The following ALX4 variants were observed in gnomAD, a reference collection of about 807,000 sequenced individuals.
The protein encoded by ALX4 is ALX homeobox 4, also known as homeobox protein aristaless-like 4.
A neutral mutation model predicts 40.6 loss-of-function variants in ALX4; 22 were observed. The ratio of observed to expected loss-of-function variants is 0.54; its 90% CI spans 0.39 to 0.77. The LOEUF is 0.77. ALX4 is among the 30% of genes least tolerant of loss of function. The pLI, the probability that ALX4 is intolerant of heterozygous loss-of-function variation, is 0.00. For missense variants in ALX4, 556 were observed against 564.8 expected (o/e 0.98, Z 0.16); for synonymous variants, 266 against 240.5 (o/e 1.11, Z -0.98).
At position 44,275,664 on chromosome 11, in the gene ALX4, G is replaced by T; in HGVS notation, c.467-6C>A. ...ACCCAGGGAGCTCTCTTTAGCTGAG[G>T]GAGGAGGAAACAAAGTCAGAAACCA... On this transcript the variant is annotated splice_polypyrimidine_tract_variant and splice_region_variant and intron_variant, in intron 1 of 3. Transcript: ENST00000652299. 6.2e-7 allele frequency: 1 copy of T among 1,611,734 alleles called. No homozygotes were observed. The highest frequency in any genetic ancestry group is 1.1e-5 in the South Asian group (1 of 90,884).
At chr11:44,274,175 A>G (rs1029308121) in intron 2 of ALX4, among the ~76,000 whole-genome samples, 1 of 152,240 alleles carries the variant, frequency 6.6e-6, no homozygotes, top group Non-Finnish European at 1.5e-5. Flanking sequence ...AAAATTTTTA[A>G]GAAGATAAAA....
At chr11:44,295,173 A>G (rs1306038133) in intron 1 of ALX4, among the ~76,000 whole-genome samples, 2 of 152,118 alleles carry the variant, frequency 1.3e-5, no homozygotes, top group Non-Finnish European at 2.9e-5. Context: ...ATTTTACCTT[A>G]TTTAAGCCTC....
chr11:44,309,528 A>G, intron 1 of ALX4, 69 bp downstream of exon 1: 1 of 1,526,308 alleles, frequency 6.6e-7, no homozygotes, highest in Non-Finnish European at 8.8e-7. Context: ...GCAAGCCACC[A>G]GTTTCAAGGG....
chr11:44,261,883 C>G lies in ALX4; in HGVS notation c.*2971G>C, dbSNP rs1465096621. 1.3e-5 allele frequency: 2 copies of G among 152,308 alleles called. No homozygotes were observed. Among genetic ancestry groups the G allele is most frequent in the African/African-American group, 4.8e-5 (2 of 41,472 alleles). The allele number at this position is 152,308 out of a possible 1,614,324, so 9.4% of individuals were successfully genotyped here. ...CTCCACCTGCCTTCATGAGCTTTAG[C>G]TCCAGATGGCCTTGGGCAGCTGCCC... is the stretch of plus-strand genomic sequence containing the variant. On this transcript the variant is annotated 3_prime_UTR_variant, in exon 4 of 4. Transcript: ENST00000652299.
intron 1 of ALX4, among the ~76,000 whole-genome samples, chr11:44,302,746 C>T (rs1956442031): frequency 6.6e-6 from 1 of 152,176 alleles, no homozygotes; most frequent in South Asian, 2.1e-4. Context: ...CTCTAGCCGG[C>T]TTTGTGTCCT....
At chr11:44,291,202 A>G (rs1389292623) in intron 1 of ALX4, among the ~76,000 whole-genome samples, 1 of 152,170 alleles carries the variant, frequency 6.6e-6, no homozygotes, top group Non-Finnish European at 1.5e-5. Flanking sequence ...TGTAAAAATC[A>G]AATGTTAAAT....
At chr11:44,280,325 T>C (rs1267855903) in intron 1 of ALX4, among the ~76,000 whole-genome samples, 1 of 152,154 alleles carries the variant, frequency 6.6e-6, no homozygotes, top group African/African-American at 2.4e-5. Context: ...AGGAACTGGC[T>C]CCACACCCAC....
intron 1 of ALX4, among the ~76,000 whole-genome samples, chr11:44,294,197 T>C (rs754602341): frequency 1.3e-5 from 2 of 152,230 alleles, no homozygotes; most frequent in Non-Finnish European, 2.9e-5. Context: ...TTGAGGATAC[T>C]AATATCTCCC....
At chr11:44,307,141 T>C (rs1956473418) in intron 1 of ALX4, among the ~76,000 whole-genome samples, 1 of 140,628 alleles carries the variant, frequency 7.1e-6, no homozygotes, top group Non-Finnish European at 1.5e-5. Context: ...GGCTCGGAGA[T>C]AGATAGGGAT....
At chr11:44,300,230 T>A (rs1009902676) in intron 1 of ALX4, among the ~76,000 whole-genome samples, 3 of 152,138 alleles carry the variant, frequency 2.0e-5, no homozygotes, top group African/African-American at 7.2e-5. Flanking sequence ...TTGGTGAATA[T>A]CACAGAACCC....
intron 1 of ALX4, 120 bp from the exon 2 acceptor site, chr11:44,275,778 A>G (rs985107700): frequency 3.2e-6 from 3 of 944,976 alleles, no homozygotes; most frequent in Admixed American, 5.6e-5. Context: ...CTTAGAGCTC[A>G]TTGGATGCGA....
At chr11:44,301,351 G>A (rs1251336806) in intron 1 of ALX4, among the ~76,000 whole-genome samples, 3 of 152,214 alleles carry the variant, frequency 2.0e-5, no homozygotes, top group Non-Finnish European at 2.9e-5. Context: ...CCTACACAGT[G>A]GGAGGAGTTG....
chr11:44,268,687 C>T (rs576409720), intron 2 of ALX4, among the ~76,000 whole-genome samples: 22 of 152,260 alleles, frequency 1.4e-4, no homozygotes, highest in African/African-American at 5.1e-4. Context: ...GACTTAGGAT[C>T]TGGAGAAGGG....
chr11:44,296,252 T>A (rs1956401953), intron 1 of ALX4, among the ~76,000 whole-genome samples: 1 of 152,196 alleles, frequency 6.6e-6, no homozygotes, highest in Non-Finnish European at 1.5e-5. Flanking sequence ...AAAGTGGATA[T>A]CCCCATAAGG....
chr11:44,290,265 G>A (rs1956361960), intron 1 of ALX4, among the ~76,000 whole-genome samples: 2 of 152,248 alleles, frequency 1.3e-5, no homozygotes, highest in South Asian at 4.1e-4. Context: ...AGAGGCTGGC[G>A]AGATGGAGGA....
At chr11:44,299,357 T>G (rs1263641765) in intron 1 of ALX4, among the ~76,000 whole-genome samples, 3 of 130,316 alleles carry the variant, frequency 2.3e-5, no homozygotes, top group Non-Finnish European at 5.3e-5. Context: ...GGCCATGGTT[T>G]TTTTTTTTTT....
chr11:44,295,717 T>A (rs1245347016), intron 1 of ALX4, among the ~76,000 whole-genome samples: 1 of 152,230 alleles, frequency 6.6e-6, no homozygotes, highest in African/African-American at 2.4e-5. Context: ...TTGGAGCTCC[T>A]CCAAGCTCCG....
intron 2 of ALX4, 97 bp from the exon 3 acceptor site, chr11:44,267,719 A>G: frequency 6.4e-7 from 1 of 1,559,690 alleles, no homozygotes; most frequent in African/African-American, 1.4e-5. Flanking sequence ...GCCCCCCATC[A>G]GTTGCAGTGC....
chr11:44,291,501 T>G (rs1167152347), intron 1 of ALX4, among the ~76,000 whole-genome samples: 1 of 151,700 alleles, frequency 6.6e-6, no homozygotes, highest in Non-Finnish European at 1.5e-5. Context: ...CTCCGCCTTC[T>G]GGGTTCAAGC....
Sources: gnomAD v4.1 joint callset for allele counts (sites outside exome capture counted in the v4.1 genomes callset) on GRCh38, gnomAD v4.1.1 for gene constraint, MANE v1.5 for transcripts, NCBI Gene and HGNC (gene_info 2026-07-23, HGNC 2026-07-21) for gene names.